Variants in ANKRD18B observed in about 807,000 individuals in gnomAD.
The protein encoded by ANKRD18B is ankyrin repeat domain 18B, also known as ankyrin repeat domain-containing protein 18B.
Under a neutral mutation model 111.8 loss-of-function variants are expected in ANKRD18B, and 75 were observed. That is an observed-to-expected ratio of 0.67 (90% CI 0.56 to 0.81). ANKRD18B has a LOEUF of 0.81. ANKRD18B is among the 40% of genes least tolerant of loss of function. The pLI is 0.00. For missense variants in ANKRD18B, 1,038 were observed against 1,225.5 expected (o/e 0.85, Z 2.28); for synonymous variants, 356 against 417.3 (o/e 0.85, Z 1.79).
intron 10 of ANKRD18B, among the ~76,000 whole-genome samples, chr9:33,545,777 AG>A (rs1828346511): frequency 6.6e-6 from 1 of 152,234 alleles, no homozygotes; most frequent in African/African-American, 2.4e-5. Flanking sequence ...GAAGAAAAAA[AG>A]TTCAACTATA....
rs759787703 is a variant in ANKRD18B at position 33,567,151 on chromosome 9, A to G, written c.2791A>G (p.Thr931Ala). Residue 931 changes from threonine to alanine, a missense_variant, in exon 16 of 19, where the codon ACG becomes GCG. Transcript: ENST00000684830. Reference sequence around the variant, plus strand: ...ATTAGAGCAGTTAAACAAGGATAATACGGCTTCACTAAAAAAGAAGGAACT... The same window carrying G: ...ATTAGAGCAGTTAAACAAGGATAATGCGGCTTCACTAAAAAAGAAGGAACT... ...KQLEQLNKDN[T>A]ASLKKKELTL... The G allele has an allele frequency of 2.1e-5, 33 of 1,547,316 alleles. No individual in the cohort carries two copies. The highest frequency in any genetic ancestry group is 6.0e-5 in the Admixed American group (3 of 50,402).
chr9:33,556,257 A>G (rs567817022), intron 13 of ANKRD18B, among the ~76,000 whole-genome samples: 155 of 152,144 alleles, frequency 1.0e-3, no homozygotes, highest in Non-Finnish European at 1.7e-3. Flanking sequence ...CATTACACCT[A>G]TTTTCATTTA....
intron 15 of ANKRD18B, 121 bp from the exon 16 acceptor site, chr9:33,566,982 C>T: frequency 1.1e-6 from 1 of 904,520 alleles, no homozygotes; most frequent in Non-Finnish European, 1.6e-6. Flanking sequence ...TTTTAAGCTT[C>T]AGCCTCTTTT....
downstream of ANKRD18B, among the ~76,000 whole-genome samples, chr9:33,573,577 G>A (rs889999234): frequency 2.1e-4 from 30 of 145,082 alleles, 5 homozygotes; most frequent in Non-Finnish European, 2.8e-4. Flanking sequence ...AGGGCCTTGC[G>A]GGGTGAGTGT....
rs1828685784 is a variant in ANKRD18B at position 33,566,450 on chromosome 9, G to A, written c.2692G>A (p.Asp898Asn). Residue 898 changes from aspartate (D) to asparagine (N), a missense_variant, in exon 15 of 19, where the codon GAT becomes AAT. Coordinates refer to ENST00000684830, the MANE Select transcript of ANKRD18B (RefSeq NM_001393611.1). Reference sequence around the variant, plus strand: ...AGTACAAGAATATAAATCGGAGCTGGATGAAAGGGCAATGCAGGCAATAGA... The same window carrying A: ...AGTACAAGAATATAAATCGGAGCTGAATGAAAGGGCAATGCAGGCAATAGA... ...GKVQEYKSEL[D>N]ERAMQAIEKL... 6.2e-7 allele frequency: 1 copy of A among 1,609,916 alleles called. No homozygotes were observed. The highest frequency in any genetic ancestry group is 1.3e-5 in the African/African-American group (1 of 74,734).
chr9:33,568,062 C>A (rs556005067), intron 16 of ANKRD18B, among the ~76,000 whole-genome samples: 60 of 152,280 alleles, frequency 3.9e-4, no homozygotes, highest in African/African-American at 1.3e-3. Context: ...GTCTAGTTCT[C>A]CCCCAGGAGT....
chr9:33,528,296 G>C (rs1367954905), intron 1 of ANKRD18B, among the ~76,000 whole-genome samples: 1 of 152,220 alleles, frequency 6.6e-6, no homozygotes, highest in African/African-American at 2.4e-5. Context: ...GCAAGACCCT[G>C]TCTCAACAAA....
intron 3 of ANKRD18B, among the ~76,000 whole-genome samples, chr9:33,531,055 T>C (rs901606276): frequency 6.6e-6 from 1 of 152,214 alleles, no homozygotes; most frequent in Admixed American, 6.5e-5. Flanking sequence ...AGCTTTGGCA[T>C]TATCGGGATG....
At position 33,550,424 on chromosome 9, in the gene ANKRD18B, T is replaced by C; in HGVS notation, c.2068-6T>C. ...TATAAAATTGGTAACAAAAATATTTTGTCAGGTGATTGTGAGAGAATTTCA... is the reference window on the plus strand; with the variant it reads ...TATAAAATTGGTAACAAAAATATTTCGTCAGGTGATTGTGAGAGAATTTCA... On this transcript the variant is annotated splice_polypyrimidine_tract_variant and splice_region_variant and intron_variant, in intron 11 of 18. Transcript: ENST00000684830. The C allele has an allele frequency of 1.3e-6, 2 of 1,525,974 alleles. No homozygotes were observed. Among genetic ancestry groups the C allele is most frequent in the East Asian group, 2.5e-5 (1 of 40,594 alleles). 94.5% of individuals were successfully genotyped at this position (1,525,974 alleles called of 1,614,324 possible). A position where few individuals can be genotyped will look rare whatever the true frequency, so the allele number is the denominator to read the frequency against.
At chr9:33,524,738 C>G (rs1459547715) in intron 1 of ANKRD18B, 43 bp downstream of exon 1, 2 of 1,524,132 alleles carry the variant, frequency 1.3e-6, no homozygotes, top group African/African-American at 1.4e-5. Context: ...CCCCCAGGCC[C>G]GGTTTCCCCG....
intron 3 of ANKRD18B, 148 bp downstream of exon 3, chr9:33,529,321 T>C (rs1828077627): frequency 1.7e-6 from 2 of 1,207,294 alleles, no homozygotes; most frequent in African/African-American, 3.1e-5. Context: ...TAAATGTTGA[T>C]ACTTTTAAAG....
intron 12 of ANKRD18B, among the ~76,000 whole-genome samples, chr9:33,554,669 GTGT>G (rs1332887361): frequency 6.6e-6 from 1 of 152,114 alleles, no homozygotes; most frequent in African/African-American, 2.4e-5. Context: ...GGGTGAGGTG[GTGT>G]TGCAGAATCA....
At chr9:33,537,921 A>T (rs1214753058) in intron 6 of ANKRD18B, among the ~76,000 whole-genome samples, 1 of 152,228 alleles carries the variant, frequency 6.6e-6, no homozygotes, top group Non-Finnish European at 1.5e-5. Context: ...GTATTCATAA[A>T]CATAAGCGAA....
chr9:33,554,161 AAGAG>A (rs1828488080), intron 12 of ANKRD18B, among the ~76,000 whole-genome samples: 2 of 98,716 alleles, frequency 2.0e-5, no homozygotes, highest in East Asian at 3.9e-4. Flanking sequence ...GAAAGAAAGA[AAGAG>A]AGAAAGAAAG....
At chr9:33,570,028 C>T (rs1054260834) in intron 17 of ANKRD18B, among the ~76,000 whole-genome samples, 3 of 152,152 alleles carry the variant, frequency 2.0e-5, no homozygotes, top group Admixed American at 2.0e-4. Context: ...TTCACAATAA[C>T]AAAGACATGG....
At chr9:33,539,249 C>T (rs539664127) in intron 6 of ANKRD18B, among the ~76,000 whole-genome samples, 200 bp from the exon 7 acceptor site, 54 of 152,216 alleles carry the variant, frequency 3.5e-4, no homozygotes, top group African/African-American at 1.3e-3. Context: ...CATCTGGGAG[C>T]TTATAGTTAT....
chr9:33,556,097 C>A (rs1828522221), intron 13 of ANKRD18B, among the ~76,000 whole-genome samples: 1 of 151,952 alleles, frequency 6.6e-6, no homozygotes, highest in South Asian at 2.1e-4. Flanking sequence ...CTGGATGAGA[C>A]CATGTGTCAT....
At chr9:33,557,788 C>CA (rs1281599574) in intron 13 of ANKRD18B, among the ~76,000 whole-genome samples, 4 of 148,274 alleles carry the variant, frequency 2.7e-5, no homozygotes, top group African/African-American at 5.0e-5. Context: ...AGTTCCATCT[C>CA]AAAAAAAACA....
chr9:33,558,327 A>T, intron 14 of ANKRD18B, 140 bp downstream of exon 14: 1 of 968,476 alleles, frequency 1.0e-6, no homozygotes, highest in Non-Finnish European at 1.5e-6. Context: ...CCCCGTAGGC[A>T]TTAGCTATTA....
Sources: gnomAD v4.1 joint callset for allele counts (sites outside exome capture counted in the v4.1 genomes callset) on GRCh38, gnomAD v4.1.1 for gene constraint, MANE v1.5 for transcripts, NCBI Gene and HGNC (gene_info 2026-07-23, HGNC 2026-07-21) for gene names.